The following CHLSN variants were observed in gnomAD, a reference collection of about 807,000 sequenced individuals.
The protein encoded by CHLSN is cholesin.
At chr7:1,009,841 A>T in the CHLSN span, 3 of 967,174 alleles carry the variant, frequency 3.1e-6, no homozygotes, top group Non-Finnish European at 4.4e-6. Context: ...CTCATACCTC[A>T]CTGCTCTAGA....
At chr7:1,023,668 C>CACAA in the CHLSN span, among the ~76,000 whole-genome samples, 1 of 99,504 alleles carries the variant, frequency 1.0e-5, no homozygotes, top group Non-Finnish European at 2.4e-5. This position sits in a 1 kb window ranked among gnomAD's most constrained non-coding sequence, Gnocchi z 5.0. Flanking sequence ...CACACACACA[C>CACAA]ACACACACAC....
the CHLSN span, among the ~76,000 whole-genome samples, chr7:1,016,708 C>G: frequency 4.3e-3 from 409 of 95,960 alleles, 8 homozygotes; most frequent in African/African-American, 0.02. Context: ...CCAGCACACG[C>G]CAGCGCACAG....
chr7:1,067,422 G>A, the CHLSN span, among the ~76,000 whole-genome samples: 2 of 9,686 alleles, frequency 2.1e-4, no homozygotes, highest in Non-Finnish European at 2.9e-4. Context: ...GCACCCCAGA[G>A]GTGAGGGTTT....
chr7:1,052,933 A>G, the CHLSN span, among the ~76,000 whole-genome samples: 1 of 152,044 alleles, frequency 6.6e-6, no homozygotes, highest in Non-Finnish European at 1.5e-5. This position sits in a 1 kb window ranked among gnomAD's most constrained non-coding sequence, Gnocchi z 4.2. Context: ...AAAAGAGCCC[A>G]CTTCTGAAGA....
the CHLSN span, among the ~76,000 whole-genome samples, chr7:1,115,625 C>T: frequency 8.3e-5 from 11 of 132,702 alleles, 2 homozygotes; most frequent in African/African-American, 2.5e-4. Flanking sequence ...GCTTCCATCA[C>T]CAACGCCCAC....
At chr7:1,068,053 G>A in the CHLSN span, among the ~76,000 whole-genome samples, 1 of 152,140 alleles carries the variant, frequency 6.6e-6, no homozygotes, top group African/African-American at 2.4e-5. Context: ...CCCCAGCAAC[G>A]GTCCTGCGCA....
At chr7:1,092,934 C>A in the CHLSN span, 3 of 1,339,178 alleles carry the variant, frequency 2.2e-6, no homozygotes, top group South Asian at 1.2e-5. Context: ...GGCACGGCCA[C>A]GTCATGTCTC....
At chr7:985,026 G>A in the CHLSN span, 1 of 1,612,192 alleles carries the variant, frequency 6.2e-7, no homozygotes, top group East Asian at 2.2e-5. Flanking sequence ...GCCTGGGCGT[G>A]GGCCGGGAGC....
At chr7:1,016,863 C>T in the CHLSN span, among the ~76,000 whole-genome samples, 5 of 138,344 alleles carry the variant, frequency 3.6e-5, no homozygotes, top group African/African-American at 1.5e-4. Flanking sequence ...CAGCACACAG[C>T]ACACAGCAGC....
the CHLSN span, among the ~76,000 whole-genome samples, chr7:1,073,247 AATAC>A: frequency 1.3e-5 from 2 of 152,152 alleles, no homozygotes; most frequent in East Asian, 1.9e-4. Flanking sequence ...TGAATTTCAA[AATAC>A]ATACAATGAC....
At chr7:980,420 G>A in the CHLSN span, among the ~76,000 whole-genome samples, 1 of 152,362 alleles carries the variant, frequency 6.6e-6, no homozygotes, top group South Asian at 2.1e-4. Flanking sequence ...TCTCTGCAGG[G>A]CGCTGGAGGT....
At chr7:1,081,202 G>A in the CHLSN span, among the ~76,000 whole-genome samples, 1 of 152,258 alleles carries the variant, frequency 6.6e-6, no homozygotes, top group Non-Finnish European at 1.5e-5. Context: ...GTGCCGCTGG[G>A]AGACGGGCTT....
At chr7:1,045,372 G>A in the CHLSN span, 1 of 152,240 alleles carries the variant, frequency 6.6e-6, no homozygotes, top group Non-Finnish European at 1.5e-5. Context: ...AGATGTACTT[G>A]AGTCCTCCAT....
chr7:1,047,815 C>A, the CHLSN span, among the ~76,000 whole-genome samples: 1 of 152,240 alleles, frequency 6.6e-6, no homozygotes, highest in Admixed American at 6.5e-5. Context: ...CGCTGAGTCC[C>A]CATCCTGCCT....
the CHLSN span, among the ~76,000 whole-genome samples, chr7:1,114,154 A>G: frequency 6.6e-6 from 1 of 152,210 alleles, no homozygotes; most frequent in Non-Finnish European, 1.5e-5. Flanking sequence ...AGTCCTGCCA[A>G]CTTCCCAAGG....
At chr7:984,361 G>A in the CHLSN span, 5 of 1,535,652 alleles carry the variant, frequency 3.3e-6, no homozygotes, top group East Asian at 1.2e-4. Flanking sequence ...GGGACCTAAG[G>A]GGGGTCTTGT....
At chr7:1,061,407 C>T in the CHLSN span, among the ~76,000 whole-genome samples, 1 of 152,108 alleles carries the variant, frequency 6.6e-6, no homozygotes, top group African/African-American at 2.4e-5. Flanking sequence ...GCCCCAACCC[C>T]CTACCCAGCG....
the CHLSN span, among the ~76,000 whole-genome samples, chr7:1,098,040 T>C: frequency 1.4e-5 from 2 of 144,144 alleles, no homozygotes; most frequent in African/African-American, 2.6e-5. Flanking sequence ...AAGGATTTTA[T>C]GGGGTCAGTC....
At chr7:1,112,626 C>A in the CHLSN span, among the ~76,000 whole-genome samples, 82 of 151,630 alleles carry the variant, frequency 5.4e-4, no homozygotes, top group African/African-American at 1.8e-3. Flanking sequence ...AGCAAACGAG[C>A]TTTAATTCTG....
Sources: allele counts gnomAD v4.1 joint callset (sites outside exome capture counted in the v4.1 genomes callset), GRCh38; gene constraint gnomAD v4.1.1; non-coding constraint Gnocchi (gnomAD v3.1); transcripts MANE v1.5; gene names NCBI Gene and HGNC (gene_info 2026-07-23, HGNC 2026-07-21).